The following PPM1D variants were observed in gnomAD, a reference collection of about 807,000 sequenced individuals.
PPM1D encodes protein phosphatase, Mg2+/Mn2+ dependent 1D.
In PPM1D, 52 loss-of-function variants were observed where a neutral mutation model predicts 58.3. The observed-to-expected ratio is 0.89, with a 90% CI of 0.71 to 1.12. The LOEUF (loss-of-function observed/expected upper bound fraction) is 1.12. Among genes scored for constraint, PPM1D ranks in the 50% most tolerant of loss-of-function variants. PPM1D has a pLI of 0.00. For missense variants in PPM1D, 564 were observed against 777.2 expected (o/e 0.73, Z 3.26); for synonymous variants, 278 against 285.1 (o/e 0.98, Z 0.25).
At chr17:60,633,824 G>C in intron 2 of PPM1D, 29 bp from the exon 3 acceptor site, 1 of 1,572,704 alleles carries the variant, frequency 6.4e-7, no homozygotes, top group East Asian at 2.3e-5. Context: ...TAATCATTTA[G>C]ATTATTTATG....
At chr17:60,624,527 C>T (rs1443410182) in intron 2 of PPM1D, among the ~76,000 whole-genome samples, 4 of 152,172 alleles carry the variant, frequency 2.6e-5, no homozygotes, top group African/African-American at 9.7e-5. Flanking sequence ...TGGCTCACAC[C>T]TGTAATCCCA....
intron 3 of PPM1D, among the ~76,000 whole-genome samples, chr17:60,642,375 TACATTTAAAGGAG>T (rs2031152325): frequency 6.7e-6 from 1 of 149,270 alleles, no homozygotes; most frequent in African/African-American, 2.5e-5. Flanking sequence ...TTTTTTTTTT[TACATTTAAAGGAG>T]TTTAATTGGG....
chr17:60,605,116 T>C (rs1252161766), intron 1 of PPM1D, among the ~76,000 whole-genome samples: 1 of 152,148 alleles, frequency 6.6e-6, no homozygotes, highest in Non-Finnish European at 1.5e-5. Context: ...CCAGGAATAT[T>C]CTTAAGTGAA....
chr17:60,606,817 G>A (rs912733243), intron 1 of PPM1D, among the ~76,000 whole-genome samples: 1 of 152,028 alleles, frequency 6.6e-6, no homozygotes, highest in African/African-American at 2.4e-5. Flanking sequence ...TTGTGTGTGT[G>A]ACAGGGTCTT....
At position 60,663,712 on chromosome 17, in the gene PPM1D, G is replaced by A. The variant is rs2031573523; in HGVS notation, c.*160G>A. ...TTTTATCCTGGCCTTGTACTTGCTTGTATTGTAAATGTGGATTTTGTAGAT... is the reference window on the plus strand; with the variant it reads ...TTTTATCCTGGCCTTGTACTTGCTTATATTGTAAATGTGGATTTTGTAGAT... On this transcript the variant is annotated 3_prime_UTR_variant, in exon 6 of 6. Transcript: ENST00000305921. The A allele has an allele frequency of 1.4e-6, 1 of 736,956 alleles. No homozygotes were observed. Among genetic ancestry groups the A allele is most frequent in the Non-Finnish European group, 2.1e-6 (1 of 468,156 alleles). 45.7% of individuals were successfully genotyped at this position (736,956 alleles called of 1,614,324 possible). A position where few individuals can be genotyped will look rare whatever the true frequency, so the allele number is the denominator to read the frequency against.
At chr17:60,614,818 G>A (rs1166575611) in intron 1 of PPM1D, among the ~76,000 whole-genome samples, 3 of 152,162 alleles carry the variant, frequency 2.0e-5, no homozygotes, top group Admixed American at 1.3e-4. Context: ...TGAAGCCAGC[G>A]AGACCACGAA....
At chr17:60,632,835 C>T (rs1330617990) in intron 2 of PPM1D, among the ~76,000 whole-genome samples, 1 of 151,760 alleles carries the variant, frequency 6.6e-6, no homozygotes, top group Non-Finnish European at 1.5e-5. Flanking sequence ...GGCGTGGTAG[C>T]GTGTGCCTGT....
chr17:60,601,025 G>C, intron 1 of PPM1D, 139 bp downstream of exon 1: 1 of 1,294,012 alleles, frequency 7.7e-7, no homozygotes, highest in Non-Finnish European at 1.0e-6. Context: ...AGCTGTAATA[G>C]CGCTTTGCTG....
At chr17:60,634,665 G>T (rs1260173568) in intron 3 of PPM1D, among the ~76,000 whole-genome samples, 1 of 151,982 alleles carries the variant, frequency 6.6e-6, no homozygotes, top group Admixed American at 6.6e-5. Flanking sequence ...TATATTTCTG[G>T]TCTACCTGGC....
intron 2 of PPM1D, among the ~76,000 whole-genome samples, chr17:60,632,176 A>G (rs2030935640): frequency 6.6e-6 from 1 of 151,966 alleles, no homozygotes; most frequent in South Asian, 2.1e-4. Context: ...CCTGGGTGAC[A>G]GAGCCAGACT....
chr17:60,623,886 G>A (rs1019619008), intron 2 of PPM1D, 137 bp downstream of exon 2: 3 of 792,230 alleles, frequency 3.8e-6, no homozygotes, highest in Non-Finnish European at 5.9e-6. Context: ...TTTGTCTGAT[G>A]TAATACTCAT....
At chr17:60,636,116 A>G (rs1356328950) in intron 3 of PPM1D, among the ~76,000 whole-genome samples, 2 of 152,126 alleles carry the variant, frequency 1.3e-5, no homozygotes, top group Non-Finnish European at 2.9e-5. Flanking sequence ...TCTTCATCAC[A>G]TGGCAGCTGG....
chr17:60,655,329 A>G (rs1341883970), intron 4 of PPM1D, among the ~76,000 whole-genome samples: 1 of 152,170 alleles, frequency 6.6e-6, no homozygotes, highest in Non-Finnish European at 1.5e-5. Flanking sequence ...GTTTTCTTAA[A>G]TAACTTGATG....
intron 4 of PPM1D, among the ~76,000 whole-genome samples, chr17:60,655,376 T>A (rs1268262604): frequency 1.3e-5 from 2 of 152,232 alleles, no homozygotes. Flanking sequence ...TGAGACGGAG[T>A]CTCGCTCTGT....
intron 1 of PPM1D, among the ~76,000 whole-genome samples, chr17:60,607,289 G>GTT (rs1310326011): frequency 6.6e-6 from 1 of 151,382 alleles, no homozygotes; most frequent in African/African-American, 2.4e-5. Context: ...GTTTTGTTTT[G>GTT]TTTTATTTTT....
chr17:60,648,272 G>A (rs1427321808), intron 4 of PPM1D, among the ~76,000 whole-genome samples, 190 bp downstream of exon 4: 7 of 151,910 alleles, frequency 4.6e-5, no homozygotes, highest in East Asian at 3.9e-4. Flanking sequence ...ATATATAACC[G>A]AAGTCTAATA....
intron 1 of PPM1D, among the ~76,000 whole-genome samples, chr17:60,616,419 C>T (rs2030586447): frequency 2.0e-5 from 3 of 152,014 alleles, no homozygotes; most frequent in African/African-American, 2.4e-5. Flanking sequence ...ACCAGCCTGG[C>T]GAACATGGTG....
At chr17:60,660,491 T>C (rs1804388356) in intron 5 of PPM1D, among the ~76,000 whole-genome samples, 1 of 152,062 alleles carries the variant, frequency 6.6e-6, no homozygotes, top group South Asian at 2.1e-4. Context: ...TATCTATGAT[T>C]AGATCGAGAT....
intron 1 of PPM1D, among the ~76,000 whole-genome samples, chr17:60,612,514 TA>T (rs2030479811): frequency 2.0e-5 from 3 of 152,346 alleles, no homozygotes; most frequent in African/African-American, 7.2e-5. Flanking sequence ...CGTAGTTATG[TA>T]GGAGACTGTC....
Sources: allele counts gnomAD v4.1 joint callset (sites outside exome capture counted in the v4.1 genomes callset), GRCh38; gene constraint gnomAD v4.1.1; transcripts MANE v1.5; gene names NCBI Gene and HGNC (gene_info 2026-07-23, HGNC 2026-07-21).